WIPI2: variants seen among roughly 807,000 people sequenced by gnomAD.
WIPI2 encodes the protein WD repeat domain, phosphoinositide interacting 2.
In WIPI2, 28 loss-of-function variants were observed where a neutral mutation model predicts 52.3. That is an observed-to-expected ratio of 0.54 (90% CI 0.40 to 0.73). WIPI2 has a LOEUF of 0.73. WIPI2 is among the 30% of genes least tolerant of loss of function. WIPI2 has a pLI of 0.00. For synonymous variants in WIPI2, 268 were observed against 245.0 expected, an observed-to-expected ratio of 1.09 and a Z score of -0.88; for missense variants, 506 against 602.9, an observed-to-expected ratio of 0.84 and a Z score of 1.68.
chr7:5,213,933 C>G (rs1782685860), intron 3 of WIPI2, among the ~76,000 whole-genome samples: 1 of 152,206 alleles, frequency 6.6e-6, no homozygotes, highest in Admixed American at 6.5e-5. Context: ...GATCCACCCA[C>G]CTCGGCCTCC....
chr7:5,214,341 C>A, intron 3 of WIPI2, 194 bp from the exon 4 acceptor site: 1 of 1,579,716 alleles, frequency 6.3e-7, no homozygotes, highest in Non-Finnish European at 8.6e-7. Context: ...AGTGGAAATG[C>A]TCCTGAGGCT....
chr7:5,206,195 C>T (rs1327344026), intron 3 of WIPI2, among the ~76,000 whole-genome samples: 4 of 152,074 alleles, frequency 2.6e-5, no homozygotes, highest in African/African-American at 4.8e-5. Flanking sequence ...TCATGTTCTA[C>T]CTTCAATACT....
Position 5,208,999 on chromosome 7 carries a change from G to T in WIPI2, c.212-5536G>T, listed in dbSNP as rs79365200. 3.2e-3 allele frequency among the ~76,000 whole-genome samples: 446 copies of T among 138,176 alleles called. 2 individuals carry two copies. Among genetic ancestry groups the T allele is most frequent in the African/African-American group, 0.012 (435 of 36,878 alleles). The allele number at this position is 138,176 out of a possible 152,430, so 90.6% of individuals were successfully genotyped here. A position where few individuals can be genotyped will look rare whatever the true frequency, so the allele number is the denominator to read the frequency against. On this transcript the variant is annotated intron_variant, in intron 3 of 12. Transcript: ENST00000288828. ...ATTTAGCTCTTTTTAAATTTGTTTT[G>T]GTAATATTCTGTGATTTTTTTTTTT...
At chr7:5,199,156 G>A (rs1445424680) in intron 2 of WIPI2, among the ~76,000 whole-genome samples, 1 of 151,914 alleles carries the variant, frequency 6.6e-6, no homozygotes. Flanking sequence ...ACCCTCCTGA[G>A]TAGCTCCCTG....
intron 8 of WIPI2, among the ~76,000 whole-genome samples, chr7:5,223,832 G>C (rs1783275413): frequency 6.6e-6 from 1 of 152,192 alleles, no homozygotes; most frequent in South Asian, 2.1e-4. Context: ...ACCCAAGCCA[G>C]AGGGACTCGG....
At position 5,227,400 on chromosome 7, in the gene WIPI2, C is replaced by T. The variant is rs967438840; in HGVS notation, c.1013+56C>T. 1.9e-6 allele frequency: 3 copies of T among 1,588,218 alleles called. No homozygotes were observed. The highest frequency in any genetic ancestry group is 2.7e-5 in the African/African-American group (2 of 74,526). ...CCCGTGTGCCTCAGGCCGAGGGGCC[C>T]AGTCCTGGCGGCTTGTGGCCCCTTC... On this transcript the variant is annotated intron_variant, in intron 10 of 12. Transcript: ENST00000288828. This position sits in a 1 kb window ranked among gnomAD's most constrained non-coding sequence, Gnocchi z 8.1.
rs1361639976 is a variant in WIPI2 at position 5,190,341 on chromosome 7, G to A, written c.-79G>A. ...CGACCGAGGCGGCGAGCGGGGCCCG[G>A]CGCCGACCCTGAGTGCAGCCTGACC... On this transcript the variant is annotated 5_prime_UTR_variant, in exon 1 of 13. Transcript: ENST00000288828. 4 of 1,032,596 alleles carry A rather than the reference G, an allele frequency of 3.9e-6. No homozygotes were observed. Among genetic ancestry groups the A allele is most frequent in the Middle Eastern group, 3.7e-4 (1 of 2,718 alleles). The allele number at this position is 1,032,596 out of a possible 1,614,324, so 64.0% of individuals were successfully genotyped here. A position where few individuals can be genotyped will look rare whatever the true frequency, so the allele number is the denominator to read the frequency against.
chr7:5,190,524 G>T, intron 1 of WIPI2, 31 bp downstream of exon 1: 2 of 1,477,222 alleles, frequency 1.4e-6, no homozygotes, highest in Non-Finnish European at 9.0e-7. Flanking sequence ...CGGAGTCGGG[G>T]TGAGGCCAGG....
At chr7:5,209,813 C>T (rs1474208199) in intron 3 of WIPI2, among the ~76,000 whole-genome samples, 1 of 152,168 alleles carries the variant, frequency 6.6e-6, no homozygotes, top group Non-Finnish European at 1.5e-5. Context: ...TATCTAGTAG[C>T]TCCTGTATTT....
Position 5,217,160 on chromosome 7 carries a change from G to A in WIPI2, c.549G>A (p.Glu183=). The A allele has an allele frequency of 6.2e-7, 1 of 1,614,170 alleles. No homozygotes were observed. The highest frequency in any genetic ancestry group is 8.5e-7 in the Non-Finnish European group (1 of 1,180,008). The change falls in exon 6 of 13, where the codon GAG becomes GAA. Residue 183 remains glutamate (E), a synonymous_variant. Coordinates refer to ENST00000288828, the MANE Select transcript of WIPI2 (RefSeq NM_015610.4). ...LAYPGSATIG[E]VQVFDTINLR... ...ACCCAGGGAGCGCGACCATCGGAGA[G>A]GTGCAGGTCTTCGATACCATTAATT...
chr7:5,190,548 T>C, intron 1 of WIPI2, 55 bp downstream of exon 1: 1 of 1,388,202 alleles, frequency 7.2e-7, no homozygotes, highest in Non-Finnish European at 9.4e-7. Context: ...GGACCCGGGC[T>C]AGGGGGAGGG....
intron 1 of WIPI2, among the ~76,000 whole-genome samples, chr7:5,192,073 G>T (rs1055405085): frequency 7.2e-5 from 11 of 152,268 alleles, no homozygotes; most frequent in Non-Finnish European, 1.3e-4. Flanking sequence ...TCTGTTTACA[G>T]AGTAGAATTC....
At chr7:5,229,438 TAAA>T in intron 11 of WIPI2, 167 bp from the exon 12 acceptor site, 1 of 667,976 alleles carries the variant, frequency 1.5e-6, no homozygotes, top group Admixed American at 3.2e-5. Context: ...ACTCTTCATG[TAAA>T]AACGTGTGCA....
Position 5,217,991 on chromosome 7 carries a change from A to G in WIPI2, c.646A>G (p.Lys216Glu), listed in dbSNP as rs1782909713. The G allele has an allele frequency of 6.2e-7, 1 of 1,614,238 alleles. No homozygotes were observed. The highest frequency in any genetic ancestry group is 1.7e-5 in the Admixed American group (1 of 60,028). Residue 216 changes from lysine (K) to glutamate (E), a missense_variant, in exon 7 of 13, where the codon AAA becomes GAA. This residue lies in a region of WIPI2 where 237 missense variants were observed against 346.9 expected (regional missense o/e 0.68). Transcript: ENST00000288828. ...ACTGGCCTTTGACGCAAGTGGAACT[A>G]AACTTGCCACGGCTTCGGAGAAGGT... ...AALAFDASGT[K>E]LATASEKGTV...
At position 5,228,121 on chromosome 7, in the gene WIPI2, G is replaced by A. The variant is rs377265100; in HGVS notation, c.1031G>A (p.Arg344Gln). 5 of 1,613,830 alleles carry A rather than the reference G, an allele frequency of 3.1e-6. No homozygotes were observed. In the African/African-American group the frequency reaches 5.3e-5, roughly 17 times the overall value. ...CSLATIQKIPRLLVGAADGYL... is the reference protein window; with the variant it reads ...CSLATIQKIPQLLVGAADGYL... ...CTCCCTAGAATTCAGAAGATCCCGC[G>A]GTTGTTGGTGGGTGCCGCCGACGGG... is the stretch of plus-strand genomic sequence containing the variant. Residue 344 changes from arginine (R) to glutamine (Q), a missense_variant, in exon 11 of 13, where the codon CGG becomes CAG. Arg to Gln is a conservative substitution (Grantham distance 43). Transcript: ENST00000288828.
intron 1 of WIPI2, among the ~76,000 whole-genome samples, chr7:5,192,091 A>G (rs575263205): frequency 5.3e-5 from 8 of 152,304 alleles, no homozygotes; most frequent in South Asian, 2.1e-4. Context: ...TTCTGAAGAC[A>G]GTGAATTTAG....
intron 3 of WIPI2, among the ~76,000 whole-genome samples, chr7:5,203,933 T>C (rs999983653): frequency 6.6e-6 from 1 of 152,168 alleles, no homozygotes; most frequent in African/African-American, 2.4e-5. Flanking sequence ...ACGTTCAGTC[T>C]TTCTTAGTGT....
At position 5,223,208 on chromosome 7, in the gene WIPI2, G is replaced by A. The variant is rs187084162; in HGVS notation, c.740+536G>A. Among the ~76,000 whole-genome samples, 525 of 152,260 alleles carry A rather than the reference G, an allele frequency of 3.4e-3. 5 individuals are homozygous for A. The Middle Eastern group carries it at 0.037, about 11-fold the overall frequency. On this transcript the variant is annotated intron_variant, in intron 8 of 12. Transcript: ENST00000288828. The stretch of plus-strand genomic sequence containing the variant: ...TTGGAGGCAGGACTGTCCCTCCCTC[G>A]TCGGACAGTAGAGCGGGGGAGGCCT...
At position 5,190,314 on chromosome 7, in the gene WIPI2, G is replaced by A. The variant is rs754808964; in HGVS notation, c.-106G>A. 3.7e-4 allele frequency: 261 copies of A among 702,058 alleles called. No homozygotes were observed. The highest frequency in any genetic ancestry group is 4.6e-4 in the Non-Finnish European group (238 of 514,530). 43.5% of individuals were successfully genotyped at this position (702,058 alleles called of 1,614,324 possible). The stretch of plus-strand genomic sequence containing the variant: ...GGTTGATCCCAGGGTGGCGAGTGGC[G>A]GCGACCGAGGCGGCGAGCGGGGCCC... On this transcript the variant is annotated 5_prime_UTR_variant, in exon 1 of 13. Transcript: ENST00000288828.
Sources: allele counts gnomAD v4.1 joint callset (sites outside exome capture counted in the v4.1 genomes callset), GRCh38; gene constraint gnomAD v4.1.1; regional missense constraint gnomAD v4.1.1; non-coding constraint Gnocchi (gnomAD v3.1); transcripts MANE v1.5; gene names NCBI Gene and HGNC (gene_info 2026-07-23, HGNC 2026-07-21).